Variants in FRYL observed in about 807,000 individuals in gnomAD.
The protein encoded by FRYL is FRY like transcription coactivator, also known as protein furry homolog-like.
Under a neutral mutation model 351.2 loss-of-function variants are expected in FRYL, and 150 were observed. The ratio of observed to expected loss-of-function variants is 0.43; its 90% CI spans 0.37 to 0.49. The LOEUF is 0.49. Ranked by LOEUF, FRYL falls within the 20% of genes least tolerant of loss-of-function variation. FRYL has a pLI of 0.00. For missense variants in FRYL, 3,036 were observed against 3,619.3 expected (o/e 0.84, Z 4.13); for synonymous variants, 1,153 against 1,257.1 (o/e 0.92, Z 1.75).
intron 30 of FRYL, 42 bp from the exon 31 acceptor site, chr4:48,564,144 T>C: frequency 3.1e-6 from 5 of 1,606,630 alleles, no homozygotes; most frequent in Admixed American, 1.7e-5. Flanking sequence ...GAACGTTATA[T>C]ATTTTTTGTC....
chr4:48,575,289 C>T (rs1441083240), intron 24 of FRYL, 48 bp from the exon 25 acceptor site: 1 of 1,575,764 alleles, frequency 6.3e-7, no homozygotes, highest in African/African-American at 1.4e-5. Flanking sequence ...GATACTATGT[C>T]CAATTAGATA....
chr4:48,593,592 AGCCTCAGGTGATCTGC>A (rs1743982535), intron 16 of FRYL, among the ~76,000 whole-genome samples: 1 of 26,762 alleles, frequency 3.7e-5, no homozygotes, highest in Non-Finnish European at 9.2e-5. Flanking sequence ...GTGATCTGCC[AGCCTCAGGTGATCTGC>A]CCGCCTCAGC....
In FRYL at chr4:48,678,855, T is replaced by C. The variant is rs187735984; in HGVS notation, c.-81+5818A>G. Among the ~76,000 whole-genome samples the C allele has an allele frequency of 3.6e-4, 55 of 152,232 alleles. No individual in the cohort carries two copies. The East Asian group carries it at 5.6e-3, about 15-fold the overall frequency. ...CCATAGGAAATTCTTAATCATTAGA[T>C]TGACTGCTTATTTGCAAATTAATAC... On this transcript the variant is annotated intron_variant, in intron 3 of 63. Transcript: ENST00000358350.
intron 1 of FRYL, among the ~76,000 whole-genome samples, chr4:48,759,702 G>A (rs1310109648): frequency 6.6e-6 from 1 of 151,796 alleles, no homozygotes; most frequent in African/African-American, 2.4e-5. Flanking sequence ...CTTCCGCCTC[G>A]GCCTCCCAAA....
chr4:48,632,925 A>C (rs1358038079), intron 4 of FRYL, among the ~76,000 whole-genome samples: 1 of 152,134 alleles, frequency 6.6e-6, no homozygotes, highest in Non-Finnish European at 1.5e-5. Context: ...AGGAACTATA[A>C]CAGGCTGAGT....
intron 3 of FRYL, among the ~76,000 whole-genome samples, chr4:48,665,788 G>A (rs1761612318): frequency 6.6e-6 from 1 of 152,168 alleles, no homozygotes; most frequent in South Asian, 2.1e-4. Flanking sequence ...TACCCAGGGT[G>A]TACGGAGACC....
At chr4:48,639,121 C>G (rs1477987628) in intron 3 of FRYL, among the ~76,000 whole-genome samples, 3 of 151,826 alleles carry the variant, frequency 2.0e-5, no homozygotes, top group African/African-American at 7.3e-5. Context: ...AAAAATCTGA[C>G]TTCAAAAAGC....
At chr4:48,683,778 A>G (rs1031819756) in intron 3 of FRYL, among the ~76,000 whole-genome samples, 2 of 152,250 alleles carry the variant, frequency 1.3e-5, no homozygotes, top group African/African-American at 4.8e-5. Context: ...AGATCCAATC[A>G]GTCTATTCCC....
Position 48,758,996 on chromosome 4 carries a change from C to A in FRYL, c.-384+21082G>T, listed in dbSNP as rs140647099. ...TATCACAAGGACAGAAAACTAAACA[C>A]CGCATGTTCTCACACACAGGTGGGA... On this transcript the variant is annotated intron_variant, in intron 1 of 63. Coordinates refer to ENST00000358350, the MANE Select transcript of FRYL (RefSeq NM_015030.2). Among the ~76,000 whole-genome samples, 34 of 152,292 alleles carry A rather than the reference C, an allele frequency of 2.2e-4. No individual in the cohort carries two copies. In the East Asian group the frequency reaches 6.2e-3, roughly 28 times the overall value.
chr4:48,701,564 G>A (rs1202159294), intron 2 of FRYL, among the ~76,000 whole-genome samples: 1 of 152,192 alleles, frequency 6.6e-6, no homozygotes, highest in Admixed American at 6.5e-5. Context: ...TTTGCAAGTT[G>A]TAGGCAGTAA....
chr4:48,506,635 T>C (rs1329460245), intron 59 of FRYL: 2 of 50,422 alleles, frequency 4.0e-5, no homozygotes, highest in Non-Finnish European at 5.7e-5. Context: ...TATATATATA[T>C]ATATATATAT....
chr4:48,739,976 C>A (rs1479949867), intron 1 of FRYL, among the ~76,000 whole-genome samples: 1 of 152,172 alleles, frequency 6.6e-6, no homozygotes, highest in African/African-American at 2.4e-5. Context: ...TTTAGAGAGT[C>A]CTCACTAGCA....
At chr4:48,545,829 A>T (rs1045589528) in intron 42 of FRYL, among the ~76,000 whole-genome samples, 1 of 152,260 alleles carries the variant, frequency 6.6e-6, no homozygotes, top group Non-Finnish European at 1.5e-5. Context: ...ATATTCAGAT[A>T]ATACTCATTC....
intron 3 of FRYL, among the ~76,000 whole-genome samples, chr4:48,640,903 A>G (rs79331267): frequency 6.6e-6 from 1 of 152,338 alleles, no homozygotes; most frequent in Non-Finnish European, 1.5e-5. Context: ...AAACAGCTCA[A>G]GCTGGAGCTT....
intron 4 of FRYL, among the ~76,000 whole-genome samples, chr4:48,624,654 G>A (rs1379746841): frequency 6.6e-6 from 1 of 152,208 alleles, no homozygotes. Flanking sequence ...GATGGACACT[G>A]GATATTGTAA....
intron 33 of FRYL, among the ~76,000 whole-genome samples, chr4:48,559,732 T>TA (rs1735028525): frequency 7.3e-6 from 1 of 137,634 alleles, no homozygotes; most frequent in Non-Finnish European, 1.6e-5. Context: ...GTCTCAAAAA[T>TA]AAAAAACAGA....
In FRYL at chr4:48,540,411, G is replaced by T. The variant is rs1729918019; in HGVS notation, c.6237C>A (p.Leu2079=). The T allele has an allele frequency of 1.2e-6, 2 of 1,613,838 alleles. No homozygotes were observed. Among genetic ancestry groups the T allele is most frequent in the African/African-American group, 2.7e-5 (2 of 75,018 alleles). The change falls in exon 46 of 64, where the codon CTC becomes CTA. Residue 2079 remains leucine, a synonymous_variant. Transcript: ENST00000358350. The part of the protein sequence containing the change: ...SASTQEMTVH[L]LSKLISVSKH... ...TGGAGACAGAAATGAGTTTACTGAG[G>T]AGGTGCACGGTCATTTCTTGTGTAG... is the stretch of plus-strand genomic sequence containing the variant.
chr4:48,546,500 C>A, intron 41 of FRYL: 1 of 502,264 alleles, frequency 2.0e-6, no homozygotes, highest in South Asian at 2.8e-5. Flanking sequence ...TTTGGATGTA[C>A]TATGCAGTCC....
intron 28 of FRYL, among the ~76,000 whole-genome samples, chr4:48,566,910 A>G (rs1354568150): frequency 3.9e-5 from 6 of 152,194 alleles, no homozygotes; most frequent in African/African-American, 1.4e-4. Context: ...ATTCAAAAGT[A>G]TCTTCTTAAT....
Sources: gnomAD v4.1 joint callset for allele counts (sites outside exome capture counted in the v4.1 genomes callset) on GRCh38, gnomAD v4.1.1 for gene constraint, MANE v1.5 for transcripts, NCBI Gene and HGNC (gene_info 2026-07-23, HGNC 2026-07-21) for gene names.